Variants in EPN2 observed in about 807,000 individuals in gnomAD.
EPN2 encodes epsin-2.
In EPN2, 34 loss-of-function variants were observed where a neutral mutation model predicts 61.7. That is an observed-to-expected ratio of 0.55 (90% CI 0.42 to 0.73). The LOEUF is 0.73. Among genes scored for constraint, EPN2 ranks in the 30% least tolerant of loss-of-function variants. The pLI, the probability that EPN2 is intolerant of heterozygous loss-of-function variation, is 0.00. For missense variants in EPN2, 714 were observed against 839.2 expected, an observed-to-expected ratio of 0.85 and a Z score of 1.84; for synonymous variants, 349 against 353.6, an observed-to-expected ratio of 0.99 and a Z score of 0.15.
chr17:19,301,226 A>G (rs1378236247), intron 4 of EPN2, among the ~76,000 whole-genome samples: 1 of 152,102 alleles, frequency 6.6e-6, no homozygotes, highest in Non-Finnish European at 1.5e-5. Context: ...TATCTCTTCT[A>G]AGGACACTAG....
chr17:19,250,051 A>G (rs1401745451), intron 1 of EPN2, among the ~76,000 whole-genome samples: 2 of 151,660 alleles, frequency 1.3e-5, no homozygotes, highest in East Asian at 1.9e-4. Context: ...GGCACACTGA[A>G]TAATCCAGGA....
chr17:19,262,459 C>T (rs1288238594), intron 1 of EPN2, among the ~76,000 whole-genome samples: 1 of 152,242 alleles, frequency 6.6e-6, no homozygotes, highest in African/African-American at 2.4e-5. Flanking sequence ...GCCTGGGCAA[C>T]AGGAGCGTTA....
intron 1 of EPN2, among the ~76,000 whole-genome samples, chr17:19,251,879 T>A (rs1178831075): frequency 6.6e-6 from 1 of 152,154 alleles, no homozygotes; most frequent in Non-Finnish European, 1.5e-5. Context: ...TAATGAGATA[T>A]CTTGGGGATG....
chr17:19,265,686 G>A (rs910559549), intron 1 of EPN2, among the ~76,000 whole-genome samples: 1 of 152,106 alleles, frequency 6.6e-6, no homozygotes, highest in African/African-American at 2.4e-5. Context: ...GCTCCTCTGA[G>A]ATGAACATGT....
intron 1 of EPN2, among the ~76,000 whole-genome samples, chr17:19,262,537 A>G (rs970610654): frequency 1.2e-4 from 19 of 152,246 alleles, no homozygotes; most frequent in Non-Finnish European, 2.8e-4. Flanking sequence ...TTTATTTGCC[A>G]TGCAATAAAG....
At chr17:19,297,776 T>TGA (rs2045534952) in intron 4 of EPN2, among the ~76,000 whole-genome samples, 1 of 152,258 alleles carries the variant, frequency 6.6e-6, no homozygotes. Flanking sequence ...AGGGTGCCCA[T>TGA]GAGAAATAGG....
chr17:19,250,167 G>T (rs751214945), intron 1 of EPN2, among the ~76,000 whole-genome samples: 10 of 151,230 alleles, frequency 6.6e-5, no homozygotes, highest in Non-Finnish European at 1.3e-4. Context: ...CTATCTCGGC[G>T]CACTGCAACC....
intron 4 of EPN2, among the ~76,000 whole-genome samples, chr17:19,298,082 G>A (rs1168305017): frequency 6.6e-6 from 1 of 152,010 alleles, no homozygotes; most frequent in African/African-American, 2.4e-5. Context: ...CACCATATTG[G>A]CCAGACTGGT....
chr17:19,254,540 C>CA (rs923949069), intron 1 of EPN2, among the ~76,000 whole-genome samples: 18 of 150,822 alleles, frequency 1.2e-4, no homozygotes, highest in South Asian at 6.3e-4. Context: ...GACTCTGTCT[C>CA]AAAAAAAACA....
intron 7 of EPN2, among the ~76,000 whole-genome samples, chr17:19,314,039 C>G (rs562974838): frequency 2.0e-5 from 3 of 152,300 alleles, no homozygotes; most frequent in African/African-American, 7.2e-5. Flanking sequence ...GGCATCTTGC[C>G]TGTATCTCCT....
chr17:19,252,631 A>G (rs1056519362), intron 1 of EPN2, among the ~76,000 whole-genome samples: 1 of 152,176 alleles, frequency 6.6e-6, no homozygotes, highest in African/African-American at 2.4e-5. Flanking sequence ...TCTGATTTTC[A>G]TATTTCTGTG....
At chr17:19,262,072 A>G (rs2045147376) in intron 1 of EPN2, among the ~76,000 whole-genome samples, 2 of 152,198 alleles carry the variant, frequency 1.3e-5, no homozygotes, top group Non-Finnish European at 2.9e-5. Flanking sequence ...CTGTAGTCCC[A>G]GCTACTTGGG....
chr17:19,333,922 G>T (rs773069750), intron 10 of EPN2, 34 bp from the exon 11 acceptor site: 1 of 1,500,612 alleles, frequency 6.7e-7, no homozygotes, highest in Non-Finnish European at 8.9e-7. Context: ...ACACCCTGAC[G>T]GCTCAGCCTC....
chr17:19,291,815 A>G (rs1409801875), intron 4 of EPN2, among the ~76,000 whole-genome samples: 7 of 152,172 alleles, frequency 4.6e-5, no homozygotes. Context: ...ATGTCCAGGA[A>G]GTCCCCAGGC....
At chr17:19,289,724 G>GTTTTGTTTTTTTGTTTTTTTTTTTTTTTT (rs772230550) in intron 4 of EPN2, among the ~76,000 whole-genome samples, 1 of 78,028 alleles carries the variant, frequency 1.3e-5, no homozygotes, top group East Asian at 5.8e-4. Flanking sequence ...GGCGCTCATG[G>GTTTTGTTTTTTTGTTTTTTTTTTTTTTTT]TTTTTTTTTT....
At chr17:19,286,963 G>A (rs78820334) in intron 4 of EPN2, among the ~76,000 whole-genome samples, 1,574 of 152,202 alleles carry the variant, frequency 0.01, 23 homozygotes, top group African/African-American at 0.036. Context: ...CAGGTCCCGC[G>A]GAACTCTCCA....
intron 7 of EPN2, 94 bp from the exon 8 acceptor site, chr17:19,328,617 C>A (rs1183190324): frequency 1.1e-5 from 13 of 1,217,522 alleles, no homozygotes; most frequent in African/African-American, 1.5e-5. Context: ...AGGGCATAGA[C>A]CCTGGTGTGG....
At chr17:19,329,227 TC>T (rs1907046430) in intron 8 of EPN2, 2 of 428,150 alleles carry the variant, frequency 4.7e-6, no homozygotes, top group East Asian at 7.7e-5. Context: ...TCTGGTGACT[TC>T]CTACAGACCC....
intron 1 of EPN2, among the ~76,000 whole-genome samples, chr17:19,272,226 G>A (rs1488821327): frequency 6.6e-6 from 1 of 152,216 alleles, no homozygotes; most frequent in Admixed American, 6.5e-5. Context: ...CACAGTGTGT[G>A]AGAAATGGGG....
Sources: gnomAD v4.1 joint callset for allele counts (sites outside exome capture counted in the v4.1 genomes callset) on GRCh38, gnomAD v4.1.1 for gene constraint, MANE v1.5 for transcripts, NCBI Gene and HGNC (gene_info 2026-07-23, HGNC 2026-07-21) for gene names.